FGD6: variants seen among roughly 807,000 people sequenced by gnomAD.
The protein encoded by FGD6 is FYVE, RhoGEF and PH domain containing 6.
A neutral mutation model predicts 149.4 loss-of-function variants in FGD6; 90 were observed. The observed-to-expected ratio is 0.60, with a 90% CI of 0.51 to 0.72. The LOEUF is 0.72. Among genes scored for constraint, FGD6 ranks in the 30% least tolerant of loss-of-function variants. The pLI, the probability that FGD6 is intolerant of heterozygous loss-of-function variation, is 0.00. For synonymous variants in FGD6, 527 were observed against 584.0 expected (o/e 0.90, Z 1.41); for missense variants, 1,437 against 1,684.8 (o/e 0.85, Z 2.57).
At chr12:95,143,198 T>A (rs1879903509) in intron 5 of FGD6, among the ~76,000 whole-genome samples, 3 of 152,206 alleles carry the variant, frequency 2.0e-5, no homozygotes, top group African/African-American at 7.2e-5. Context: ...ACCGGGCAAA[T>A]GAAATCAACC....
At chr12:95,116,240 T>C (rs1032778124) in intron 8 of FGD6, among the ~76,000 whole-genome samples, 3 of 152,280 alleles carry the variant, frequency 2.0e-5, no homozygotes, top group South Asian at 2.1e-4. Context: ...TGGCTGACAG[T>C]TGACAGGGTT....
At chr12:95,101,004 G>T (rs866476554) in intron 14 of FGD6, 3 of 326,496 alleles carry the variant, frequency 9.2e-6, no homozygotes, top group East Asian at 8.0e-5. Flanking sequence ...AGCTGACAGC[G>T]GAAGAGAGGT....
intron 14 of FGD6, among the ~76,000 whole-genome samples, chr12:95,101,788 T>C (rs940740939): frequency 6.9e-6 from 1 of 145,394 alleles, no homozygotes; most frequent in African/African-American, 2.5e-5. Flanking sequence ...GTTCAAGCAA[T>C]TCTCCTGCCT....
intron 8 of FGD6, among the ~76,000 whole-genome samples, chr12:95,118,225 C>G (rs1011030255): frequency 4.6e-5 from 7 of 151,890 alleles, no homozygotes; most frequent in Admixed American, 3.3e-4. Context: ...GTAGTGGGCA[C>G]CTGCAATCCC....
At chr12:95,119,813 G>A (rs1050780164) in intron 8 of FGD6, among the ~76,000 whole-genome samples, 4 of 152,154 alleles carry the variant, frequency 2.6e-5, no homozygotes, top group Admixed American at 6.6e-5. Flanking sequence ...CCAGCTACTC[G>A]GGAGGTGGAG....
chr12:95,079,469 A>G lies in FGD6; in HGVS notation c.*2051T>C, dbSNP rs1877600731. 6.6e-6 allele frequency: 1 copy of G among 152,264 alleles called. No individual in the cohort carries two copies. The highest frequency in any genetic ancestry group is 2.1e-4 in the South Asian group (1 of 4,838). The allele number at this position is 152,264 out of a possible 1,614,324, so 9.4% of individuals were successfully genotyped here. On this transcript the variant is annotated 3_prime_UTR_variant, in exon 21 of 21. Coordinates refer to ENST00000343958, the MANE Select transcript of FGD6 (RefSeq NM_018351.4). ...GCTTAAGCCAAACCTTGTAGTCAGA[A>G]GGCTGAGAGCTCAAGAGGAGGGAAA...
chr12:95,124,956 A>G (rs1409009825), intron 8 of FGD6, among the ~76,000 whole-genome samples: 1 of 152,202 alleles, frequency 6.6e-6, no homozygotes, highest in Non-Finnish European at 1.5e-5. Flanking sequence ...ATGCAGTACT[A>G]AAGAAGTGCA....
intron 2 of FGD6, among the ~76,000 whole-genome samples, chr12:95,188,987 A>G (rs1026022361): frequency 6.6e-6 from 1 of 152,206 alleles, no homozygotes; most frequent in Admixed American, 6.5e-5. Flanking sequence ...GATAATCTCA[A>G]AATGAATTCT....
At chr12:95,188,664 T>C (rs903328422) in intron 2 of FGD6, among the ~76,000 whole-genome samples, 1 of 152,230 alleles carries the variant, frequency 6.6e-6, no homozygotes, top group Non-Finnish European at 1.5e-5. Flanking sequence ...TTTCACTTCA[T>C]GTACATTTAA....
At chr12:95,174,727 G>C (rs962923716) in intron 2 of FGD6, among the ~76,000 whole-genome samples, 3 of 152,066 alleles carry the variant, frequency 2.0e-5, no homozygotes, top group Admixed American at 2.0e-4. Flanking sequence ...AGGAGATCGA[G>C]ACCATCCTGG....
At chr12:95,084,409 C>T (rs950149795) in intron 20 of FGD6, 89 bp downstream of exon 20, 3 of 1,099,270 alleles carry the variant, frequency 2.7e-6, no homozygotes, top group African/African-American at 3.2e-5. Context: ...TTTGAGTTGT[C>T]CCCATGCCTT....
At chr12:95,148,712 AGCATATG>A (rs1880119685) in intron 5 of FGD6, among the ~76,000 whole-genome samples, 3 of 103,706 alleles carry the variant, frequency 2.9e-5, no homozygotes. Context: ...TATAATACAT[AGCATATG>A]TTATATTACA....
At chr12:95,156,854 A>G (rs571674145) in intron 3 of FGD6, among the ~76,000 whole-genome samples, 1 of 152,290 alleles carries the variant, frequency 6.6e-6, no homozygotes, top group East Asian at 1.9e-4. Context: ...CCTACGTGAA[A>G]TATTGGGGGT....
chr12:95,100,844 G>T (rs551959051), intron 14 of FGD6: 2 of 389,546 alleles, frequency 5.1e-6, no homozygotes, highest in Non-Finnish European at 1.0e-5. Context: ...GTCTTGTTGG[G>T]CATGCTGGAT....
At chr12:95,128,172 C>T (rs1214844679) in intron 8 of FGD6, among the ~76,000 whole-genome samples, 1 of 152,186 alleles carries the variant, frequency 6.6e-6, no homozygotes, top group Non-Finnish European at 1.5e-5. Flanking sequence ...AACACATCAC[C>T]AGAATATACT....
intron 8 of FGD6, among the ~76,000 whole-genome samples, chr12:95,127,499 G>A (rs1020842499): frequency 3.3e-5 from 5 of 152,068 alleles, no homozygotes; most frequent in African/African-American, 4.8e-5. Flanking sequence ...AGCCAAGATC[G>A]TGCCACTGCA....
intron 3 of FGD6, among the ~76,000 whole-genome samples, chr12:95,157,901 G>A (rs1880520194): frequency 6.6e-6 from 1 of 152,150 alleles, no homozygotes; most frequent in African/African-American, 2.4e-5. Context: ...AGGCTGGAGT[G>A]CAGTGGTGCA....
chr12:95,164,963 A>T (rs1018899325), intron 3 of FGD6, among the ~76,000 whole-genome samples: 5 of 152,302 alleles, frequency 3.3e-5, no homozygotes, highest in African/African-American at 9.6e-5. Flanking sequence ...AAGATTTTTT[A>T]AAAAAACAAG....
At chr12:95,107,972 A>G (rs1296467206) in intron 11 of FGD6, among the ~76,000 whole-genome samples, 1 of 152,174 alleles carries the variant, frequency 6.6e-6, no homozygotes, top group African/African-American at 2.4e-5. Flanking sequence ...CTTTTGTGCT[A>G]TATGAGGAGG....
Sources: gnomAD v4.1 joint callset for allele counts (sites outside exome capture counted in the v4.1 genomes callset) on GRCh38, gnomAD v4.1.1 for gene constraint, MANE v1.5 for transcripts, NCBI Gene and HGNC (gene_info 2026-07-23, HGNC 2026-07-21) for gene names.